Variants in ACP7 observed in about 807,000 individuals in gnomAD.
The protein encoded by ACP7 is acid phosphatase 7, tartrate resistant (putative).
In ACP7, 58 loss-of-function variants were observed where a neutral mutation model predicts 60.6. The ratio of observed to expected loss-of-function variants is 0.96; its 90% CI spans 0.77 to 1.19. The LOEUF (loss-of-function observed/expected upper bound fraction) is 1.19. Among genes scored for constraint, ACP7 ranks in the 50% most tolerant of loss-of-function variants. The pLI, the probability that ACP7 is intolerant of heterozygous loss-of-function variation, is 0.00. For synonymous variants in ACP7, 237 were observed against 232.6 expected (o/e 1.02, Z -0.17); for missense variants, 574 against 596.2 (o/e 0.96, Z 0.39).
rs747137327 is a variant in ACP7, at chr19:39,098,483, T to C, written c.147T>C (p.Thr49=). 1.3e-6 allele frequency: 2 copies of C among 1,567,270 alleles called. No individual in the cohort carries two copies. Among genetic ancestry groups the C allele is most frequent in the Non-Finnish European group, 8.7e-7 (1 of 1,154,116 alleles). The part of the protein sequence containing the change: ...YPGEPGSMTV[T]WTTWVPTRSE... ...GTGAGCCAGGCTCCATGACTGTAACTTGGACCACATGGGTCCCAACCCGCT... is the reference window on the plus strand; with the variant it reads ...GTGAGCCAGGCTCCATGACTGTAACCTGGACCACATGGGTCCCAACCCGCT... The change falls in exon 3 of 13, where the codon ACT becomes ACC. Residue 49 remains threonine, a synonymous_variant. Coordinates refer to ENST00000331256, the MANE Select transcript of ACP7 (RefSeq NM_001004318.3).
chr19:39,097,024 T>A (rs766215835), intron 2 of ACP7, among the ~76,000 whole-genome samples: 5 of 152,086 alleles, frequency 3.3e-5, no homozygotes, highest in Middle Eastern at 3.2e-3. Context: ...ATGGTCTCGA[T>A]CTCCTGACCT....
upstream of ACP7, chr19:39,083,845 G>T (rs549383201): frequency 2.0e-5 from 3 of 152,410 alleles, no homozygotes; most frequent in East Asian, 3.9e-4. Flanking sequence ...TGCAATTCCG[G>T]GATTCTGGTT....
At chr19:39,104,716 T>C (rs2073393270) in intron 11 of ACP7, among the ~76,000 whole-genome samples, 1 of 151,986 alleles carries the variant, frequency 6.6e-6, no homozygotes, top group South Asian at 2.1e-4. Flanking sequence ...AAACCCCGTC[T>C]CTACTTAAAA....
chr19:39,093,252 TTCTC>T (rs1025972212), intron 2 of ACP7, among the ~76,000 whole-genome samples: 38 of 148,440 alleles, frequency 2.6e-4, no homozygotes, highest in African/African-American at 9.5e-4. Context: ...CTTTCTTTCT[TTCTC>T]TTTCTTTTTT....
intron 4 of ACP7, 144 bp downstream of exon 4, chr19:39,099,286 G>C: frequency 1.0e-6 from 1 of 999,870 alleles, no homozygotes; most frequent in African/African-American, 1.7e-5. Flanking sequence ...GTCTCTGAAG[G>C]GACAGGGGAT....
chr19:39,110,336 G>A lies in ACP7; in HGVS notation c.*218G>A. On this transcript the variant is annotated 3_prime_UTR_variant, in exon 13 of 13. Transcript: ENST00000331256. ...GCTGTGGAGGGAGGGCAGGTGTGCG[G>A]GCACAGAGTGACACACGGCAGGTTT... The A allele has an allele frequency of 1.7e-6, 1 of 576,080 alleles. No homozygotes were observed. The highest frequency in any genetic ancestry group is 3.1e-6 in the Non-Finnish European group (1 of 324,854). 35.7% of individuals were successfully genotyped at this position (576,080 alleles called of 1,614,324 possible).
At chr19:39,096,849 T>G (rs1162098046) in intron 2 of ACP7, among the ~76,000 whole-genome samples, 1 of 152,188 alleles carries the variant, frequency 6.6e-6, no homozygotes, top group African/African-American at 2.4e-5. Context: ...GTTGCCAGGC[T>G]GGAATGCAGT....
chr19:39,101,107 C>A, intron 8 of ACP7, 43 bp from the exon 9 acceptor site: 1 of 1,613,836 alleles, frequency 6.2e-7, no homozygotes, highest in Non-Finnish European at 8.5e-7. Flanking sequence ...GCCAGGTGGG[C>A]GTCAGTCTGC....
chr19:39,092,316 G>A (rs1365263085), intron 2 of ACP7, among the ~76,000 whole-genome samples: 3 of 152,190 alleles, frequency 2.0e-5, no homozygotes, highest in Non-Finnish European at 4.4e-5. Context: ...AGAGGTTGCA[G>A]TGAGCCGAAA....
chr19:39,104,854 C>G (rs2073394824), intron 11 of ACP7, among the ~76,000 whole-genome samples: 1 of 151,868 alleles, frequency 6.6e-6, no homozygotes, highest in African/African-American at 2.4e-5. Context: ...CATTGCACTC[C>G]AGCCTGGGCA....
intron 11 of ACP7, among the ~76,000 whole-genome samples, chr19:39,103,080 A>G (rs1267296184): frequency 6.6e-6 from 1 of 151,248 alleles, no homozygotes; most frequent in Admixed American, 6.6e-5. Context: ...TCGGGTGATC[A>G]GCCCACCTCG....
chr19:39,086,640 A>AG (rs2073144783), intron 2 of ACP7, among the ~76,000 whole-genome samples: 4 of 72,284 alleles, frequency 5.5e-5, no homozygotes, highest in Admixed American at 1.7e-4. Context: ...AAAAAAAAAA[A>AG]AGGGGGGGGG....
In ACP7 at chr19:39,110,447, G is replaced by T; in HGVS notation, c.*329G>T. On this transcript the variant is annotated 3_prime_UTR_variant, in exon 13 of 13. Transcript: ENST00000331256. Reference sequence around the variant, plus strand: ...CAGGAATGAAGAGGCTTAAGCTCTGGCTCCATGGATTCTGCACATCTGCGG... The same window carrying T: ...CAGGAATGAAGAGGCTTAAGCTCTGTCTCCATGGATTCTGCACATCTGCGG... 2 of 252,268 alleles carry T rather than the reference G, an allele frequency of 7.9e-6. No individual in the cohort carries two copies. Among genetic ancestry groups the T allele is most frequent in the Non-Finnish European group, 1.5e-5 (2 of 131,210 alleles). 15.6% of individuals were successfully genotyped at this position (252,268 alleles called of 1,614,324 possible). A position where few individuals can be genotyped will look rare whatever the true frequency, so the allele number is the denominator to read the frequency against.
intron 2 of ACP7, among the ~76,000 whole-genome samples, chr19:39,089,430 A>G (rs2073180388): frequency 6.6e-6 from 1 of 152,214 alleles, no homozygotes; most frequent in Non-Finnish European, 1.5e-5. Context: ...CAAAAATATT[A>G]CAGAGTTCCT....
At position 39,101,019 on chromosome 19, in the gene ACP7, A is replaced by G. The variant is rs1243203043; in HGVS notation, c.878A>G (p.Asn293Ser). The G allele has an allele frequency of 5.6e-6, 9 of 1,613,898 alleles. No homozygotes were observed. In the African/African-American group the frequency reaches 6.7e-5, roughly 12 times the overall value. ...TMGHRPMYCS[N>S]ADLDDCTRHE... The stretch of plus-strand genomic sequence containing the variant: ...GGGCACCGGCCCATGTACTGCTCCA[A>G]CGCAGATCTGGACGACTGCACACGA... The change falls in exon 8 of 13, where the codon AAC becomes AGC. Residue 293 changes from asparagine to serine, a missense_variant. Coordinates refer to ENST00000331256, the MANE Select transcript of ACP7 (RefSeq NM_001004318.3).
At chr19:39,108,357 T>C (rs950481988) in intron 12 of ACP7, among the ~76,000 whole-genome samples, 4 of 151,900 alleles carry the variant, frequency 2.6e-5, no homozygotes, top group Non-Finnish European at 5.9e-5. Flanking sequence ...GCCAGAATGG[T>C]CTCGAACTCC....
At chr19:39,092,658 T>C (rs1401174990) in intron 2 of ACP7, among the ~76,000 whole-genome samples, 2 of 152,018 alleles carry the variant, frequency 1.3e-5, no homozygotes, top group Non-Finnish European at 2.9e-5. Context: ...ATTTTGTGGG[T>C]GTGTGAGGGA....
chr19:39,100,813 T>C lies in ACP7; in HGVS notation c.767T>C (p.Leu256Ser), dbSNP rs148030161. The C allele has an allele frequency of 3.5e-4, 571 of 1,613,984 alleles. 1 individual carries two copies. Among genetic ancestry groups the C allele is most frequent in the Non-Finnish European group, 4.2e-4 (499 of 1,179,996 alleles). Residue 256 changes from leucine (L) to serine (S), a missense_variant, in exon 7 of 13, where the codon TTG (leucine) becomes TCG (serine). Leu to Ser is a moderately radical substitution (Grantham distance 145). Coordinates refer to ENST00000331256, the MANE Select transcript of ACP7 (RefSeq NM_001004318.3). ...VYFFLHYGRHLVQRQFRWLES... is the reference protein window; with the variant it reads ...VYFFLHYGRHSVQRQFRWLES... Reference sequence around the variant, plus strand: ...TTCTTTCTCCATTATGGCCGCCACTTGGTACAGAGGCAGTTTCGCTGGCTG... The same window carrying C: ...TTCTTTCTCCATTATGGCCGCCACTCGGTACAGAGGCAGTTTCGCTGGCTG...
chr19:39,099,334 C>T (rs984362698), intron 4 of ACP7, among the ~76,000 whole-genome samples, 192 bp downstream of exon 4: 7 of 152,174 alleles, frequency 4.6e-5, no homozygotes, highest in African/African-American at 1.7e-4. Flanking sequence ...GGCCAACCAG[C>T]CTGCCTAGGT....
Sources: gnomAD v4.1 joint callset for allele counts (sites outside exome capture counted in the v4.1 genomes callset) on GRCh38, gnomAD v4.1.1 for gene constraint, MANE v1.5 for transcripts, NCBI Gene and HGNC (gene_info 2026-07-23, HGNC 2026-07-21) for gene names.